The following MYO5C variants were observed in gnomAD, a reference collection of about 807,000 sequenced individuals.
The protein encoded by MYO5C is unconventional myosin-Vc.
MYO5C carries 194 observed loss-of-function variants against 235.7 expected under a neutral mutation model. That is an observed-to-expected ratio of 0.82 (90% CI 0.73 to 0.93). The LOEUF is 0.93. Among genes scored for constraint, MYO5C ranks in the 40% least tolerant of loss-of-function variants. The pLI, the probability that MYO5C is intolerant of heterozygous loss-of-function variation, is 0.00. For missense variants in MYO5C, 2,038 were observed against 2,127.2 expected (o/e 0.96, Z 0.82); for synonymous variants, 707 against 754.8 (o/e 0.94, Z 1.04).
intron 35 of MYO5C, among the ~76,000 whole-genome samples, chr15:52,211,116 C>T (rs1755892326): frequency 6.6e-6 from 1 of 152,192 alleles, no homozygotes; most frequent in African/African-American, 2.4e-5. Context: ...TGGAAGGAAC[C>T]TGGGTCCCTT....
At chr15:52,259,625 C>G (rs1359738992) in intron 10 of MYO5C, among the ~76,000 whole-genome samples, 1 of 152,230 alleles carries the variant, frequency 6.6e-6, no homozygotes, top group African/African-American at 2.4e-5. Flanking sequence ...TGCTCAAACA[C>G]TTTCTGGGAA....
rs980872688 is a variant in MYO5C at position 52,223,624 on chromosome 15, G to A, written c.3547C>T (p.Leu1183=). ...VVHLSQEINH[L]QKLFREENDI... ...TTTTCTTCTCTGAATAACTTCTGCA[G>A]GTGGTTGATTTCTTGACTGAGATGC... The change falls in exon 29 of 41, where the codon CTG becomes TTG. Residue 1183 remains leucine, a synonymous_variant. Transcript: ENST00000261839. 22 of 1,613,962 alleles carry A rather than the reference G, an allele frequency of 1.4e-5. No homozygotes were observed. The highest frequency in any genetic ancestry group is 1.8e-5 in the Non-Finnish European group (21 of 1,180,024).
Position 52,290,615 on chromosome 15 carries a change from G to A in MYO5C, c.27+4995C>T, listed in dbSNP as rs539768062. ...CCTGAGTTCTAATTAATGAGCAAGA[G>A]CAACCTTTAGGAAAAAAAAAAAAAA... On this transcript the variant is annotated intron_variant, in intron 1 of 40. Transcript: ENST00000261839. Among the ~76,000 whole-genome samples, 9 of 105,110 alleles carry A rather than the reference G, an allele frequency of 8.6e-5. No homozygotes were observed. The South Asian group carries it at 3.3e-3, about 39-fold the overall frequency. 69.0% of individuals were successfully genotyped at this position (105,110 alleles called of 152,430 possible).
chr15:52,227,500 A>G (rs1009650075), intron 25 of MYO5C, among the ~76,000 whole-genome samples: 2 of 151,896 alleles, frequency 1.3e-5, no homozygotes, highest in African/African-American at 4.8e-5. Context: ...CCCAGCCCCA[A>G]GTAATCTTAA....
Position 52,256,648 on chromosome 15 carries a change from CTGT to C in MYO5C, c.1383_1385del (p.Gln462del). 6.3e-7 allele frequency: 1 copy of C among 1,593,776 alleles called. No homozygotes were observed. The highest frequency in any genetic ancestry group is 8.6e-7 in the Non-Finnish European group (1 of 1,168,398). ...CAGAAAGGTCACCTACCATGTTAAA[CTGT>C]TGTTGCAGTTTTTCATTAGCGTAAT... On this transcript the variant is annotated inframe_deletion, in exon 11 of 41. Transcript: ENST00000261839.
Position 52,253,366 on chromosome 15 carries a change from A to G in MYO5C, c.1487T>C (p.Leu496Pro). The G allele has an allele frequency of 1.2e-6, 2 of 1,613,248 alleles. No individual in the cohort carries two copies. Among genetic ancestry groups the G allele is most frequent in the South Asian group, 1.1e-5 (1 of 90,928 alleles). The stretch of plus-strand genomic sequence containing the variant: ...CAGAATTCCCATTTTTGCTTCAATC[A>G]GGTCAATAACTGGTTGATTGTCATA... ...DFYDNQPVID[L>P]IEAKMGILEL... is the part of the protein sequence containing the mutation. The change falls in exon 12 of 41, where the codon CTG (leucine) becomes CCG (proline). Residue 496 changes from leucine (L) to proline (P), a missense_variant. Transcript: ENST00000261839.
At chr15:52,227,606 T>C (rs1596162876) in intron 25 of MYO5C, among the ~76,000 whole-genome samples, 1 of 152,150 alleles carries the variant, frequency 6.6e-6, no homozygotes, top group African/African-American at 2.4e-5. Flanking sequence ...CACAAGTTCC[T>C]ACATTTAAGA....
In MYO5C at chr15:52,214,086, C is replaced by T. The variant is rs2035504970; in HGVS notation, c.4042+517G>A. 2.6e-5 allele frequency among the ~76,000 whole-genome samples: 4 copies of T among 152,088 alleles called. No individual in the cohort carries two copies. In the South Asian group the frequency reaches 8.3e-4, roughly 32 times the overall value. ...AGAATGAAAGAGTGAGAAATGTGAG[C>T]AGGAGCTGAACACAGAAAAGTTCAG... On this transcript the variant is annotated intron_variant, in intron 33 of 40. Coordinates refer to ENST00000261839, the MANE Select transcript of MYO5C (RefSeq NM_018728.4).
intron 37 of MYO5C, 28 bp downstream of exon 37, chr15:52,205,788 A>AT: frequency 1.4e-6 from 2 of 1,385,642 alleles, no homozygotes; most frequent in Non-Finnish European, 2.0e-6. Flanking sequence ...TACTATAAAT[A>AT]TTTTTTGGTC....
chr15:52,237,575 C>A lies in MYO5C; in HGVS notation c.2775G>T (p.Lys925Asn). 1 of 1,614,162 alleles carries A rather than the reference C, an allele frequency of 6.2e-7. No homozygotes were observed. The highest frequency in any genetic ancestry group is 8.5e-7 in the Non-Finnish European group (1 of 1,180,036). The part of the protein sequence containing the change: ...LAALRAGDVE[K>N]IQKLEAELEK... Reference sequence around the variant, plus strand: ...CTAGTTCTGCTTCCAGCTTCTGAATCTTTTCCACATCCCCAGCTCGAAGAG... The same window carrying A: ...CTAGTTCTGCTTCCAGCTTCTGAATATTTTCCACATCCCCAGCTCGAAGAG... The change falls in exon 22 of 41, where the codon AAG becomes AAT. Residue 925 changes from lysine to asparagine, a missense_variant. Lys to Asn is a moderately conservative substitution (Grantham distance 94). Transcript: ENST00000261839.
At chr15:52,277,053 A>G in intron 4 of MYO5C, 1 of 466,626 alleles carries the variant, frequency 2.1e-6, no homozygotes, top group Non-Finnish European at 4.4e-6. Context: ...GAGACTTTGG[A>G]TACAGAGCCC....
chr15:52,293,722 A>G (rs2037442321), intron 1 of MYO5C, among the ~76,000 whole-genome samples: 1 of 151,912 alleles, frequency 6.6e-6, no homozygotes, highest in Admixed American at 6.6e-5. Flanking sequence ...CTTTTCCAAC[A>G]GCTGGAATGA....
intron 20 of MYO5C, among the ~76,000 whole-genome samples, chr15:52,240,702 A>G (rs1372388754): frequency 3.3e-5 from 5 of 152,166 alleles, no homozygotes; most frequent in Non-Finnish European, 7.4e-5. Context: ...ACTGCACTCC[A>G]GCCTGGGCAA....
At chr15:52,202,928 G>GGT (rs1555411278) in intron 38 of MYO5C, among the ~76,000 whole-genome samples, 1 of 146,174 alleles carries the variant, frequency 6.8e-6, no homozygotes, top group Non-Finnish European at 1.5e-5. Context: ...ATTTTTTTTT[G>GGT]TTTTTTTTTT....
intron 39 of MYO5C, 50 bp from the exon 40 acceptor site, chr15:52,195,507 G>A (rs2035026243): frequency 7.8e-7 from 1 of 1,282,556 alleles, no homozygotes; most frequent in South Asian, 1.4e-5. Context: ...TAATAACTCT[G>A]TTCATAAAAT....
rs1293591383 is a variant in MYO5C at position 52,261,024 on chromosome 15, G to A, written c.1151C>T (p.Thr384Met). The A allele has an allele frequency of 8.7e-6, 14 of 1,614,076 alleles. No individual in the cohort carries two copies. Among genetic ancestry groups the A allele is most frequent in the South Asian group, 3.3e-5 (3 of 91,088 alleles). Residue 384 changes from threonine to methionine, a missense_variant, in exon 10 of 41, where the codon ACG (threonine) becomes ATG (methionine). Thr to Met is a moderately conservative substitution (Grantham distance 81). Transcript: ENST00000261839. ...AGGCCTGGTCATGGGTTTTACCACC[G>A]TCTCAGAGCTTGTGACGATTTTGCG... Reference protein sequence around the residue: ...CNRKIVTSSETVVKPMTRPQA... With the variant: ...CNRKIVTSSEMVVKPMTRPQA...
intron 30 of MYO5C, among the ~76,000 whole-genome samples, 178 bp downstream of exon 30, chr15:52,220,984 T>C (rs2035669278): frequency 6.6e-6 from 1 of 152,116 alleles, no homozygotes; most frequent in South Asian, 2.1e-4. Context: ...CTGCACCTCC[T>C]TTAAATGTCC....
chr15:52,273,695 G>A (rs2036975471), intron 5 of MYO5C, among the ~76,000 whole-genome samples: 2 of 152,250 alleles, frequency 1.3e-5, no homozygotes, highest in Admixed American at 1.3e-4. Flanking sequence ...CTCCAGAATT[G>A]CGAGAAATAA....
chr15:52,232,587 A>C, intron 24 of MYO5C, 35 bp downstream of exon 24: 1 of 1,597,162 alleles, frequency 6.3e-7, no homozygotes, highest in Non-Finnish European at 8.6e-7. Flanking sequence ...AGACAGAAGA[A>C]AGAAAGTAGC....
Sources: gnomAD v4.1 joint callset for allele counts (sites outside exome capture counted in the v4.1 genomes callset) on GRCh38, gnomAD v4.1.1 for gene constraint, MANE v1.5 for transcripts, NCBI Gene and HGNC (gene_info 2026-07-23, HGNC 2026-07-21) for gene names.